Variants in CERT1 observed in about 807,000 individuals in gnomAD.
The protein encoded by CERT1 is ceramide transporter 1.
In CERT1, 31 loss-of-function variants were observed where a neutral mutation model predicts 87.9. The observed-to-expected ratio is 0.35, with a 90% CI of 0.27 to 0.48. CERT1 has a LOEUF of 0.48. CERT1 is among the 20% of genes least tolerant of loss of function. CERT1 has a pLI of 0.99. For synonymous variants in CERT1, 289 were observed against 250.9 expected, an observed-to-expected ratio of 1.15 and a Z score of -1.44; for missense variants, 487 against 758.0, an observed-to-expected ratio of 0.64 and a Z score of 4.20.
chr5:75,427,825 A>T (rs1763686032), intron 3 of CERT1, among the ~76,000 whole-genome samples: 1 of 152,188 alleles, frequency 6.6e-6, no homozygotes, highest in African/African-American at 2.4e-5. Flanking sequence ...TTTAATACTT[A>T]GAGATCAACA....
At chr5:75,470,946 ACTATC>A (rs764270107) in intron 2 of CERT1, among the ~76,000 whole-genome samples, 7 of 152,188 alleles carry the variant, frequency 4.6e-5, no homozygotes, top group Non-Finnish European at 8.8e-5. Flanking sequence ...CTAACAATGA[ACTATC>A]TGGGGAAAAA....
chr5:75,479,076 G>GT (rs1766108809), intron 2 of CERT1, among the ~76,000 whole-genome samples: 1 of 151,540 alleles, frequency 6.6e-6, no homozygotes, highest in African/African-American at 2.4e-5. Context: ...GCAGAAACAG[G>GT]TAAGTCCCCT....
chr5:75,466,887 T>C (rs894886746), intron 2 of CERT1, among the ~76,000 whole-genome samples: 4 of 152,232 alleles, frequency 2.6e-5, no homozygotes, highest in African/African-American at 4.8e-5. Flanking sequence ...CCACAACTGT[T>C]TGAACAATTT....
intron 14 of CERT1, among the ~76,000 whole-genome samples, chr5:75,384,406 A>G (rs77856529): frequency 6.6e-6 from 1 of 152,222 alleles, no homozygotes; most frequent in South Asian, 2.1e-4. Context: ...CTAACCGTTG[A>G]TCTTTATCAA....
rs1035960858 is a variant in CERT1 at position 75,402,960 on chromosome 5, T to C, written c.1017+12A>G. ...ATAAATTTCAGCTTAGAATTTTCAA[T>C]AATAGATATACCTGTTCTTCTATTT... On this transcript the variant is annotated intron_variant, in intron 9 of 16. Coordinates refer to ENST00000643780, the MANE Select transcript of CERT1 (RefSeq NM_001379029.1). 2.0e-6 allele frequency: 3 copies of C among 1,536,704 alleles called. No individual in the cohort carries two copies. The highest frequency in any genetic ancestry group is 2.7e-6 in the Non-Finnish European group (3 of 1,112,306).
At chr5:75,413,550 A>C (rs887161705) in intron 7 of CERT1, among the ~76,000 whole-genome samples, 6 of 152,156 alleles carry the variant, frequency 3.9e-5, no homozygotes, top group Admixed American at 3.9e-4. Context: ...TCAAGGCTGT[A>C]GTATACTAAT....
chr5:75,446,970 A>C (rs1381290370), intron 3 of CERT1, among the ~76,000 whole-genome samples: 2 of 152,146 alleles, frequency 1.3e-5, no homozygotes, highest in African/African-American at 2.4e-5. Context: ...CTTTTTCTGC[A>C]CCTCTGTGAT....
chr5:75,497,760 G>C lies in CERT1; in HGVS notation c.231+8222C>G, dbSNP rs1274718085. 3.9e-5 allele frequency among the ~76,000 whole-genome samples: 6 copies of C among 152,064 alleles called. No individual in the cohort carries two copies. In the South Asian group the frequency reaches 6.2e-4, roughly 16 times the overall value. ...TTATAAAAAGAAATACCCAGTCTCG[G>C]GTATTTCTTCATAGGAGCATGAGAA... is the stretch of plus-strand genomic sequence containing the variant. On this transcript the variant is annotated intron_variant, in intron 2 of 16. Transcript: ENST00000643780.
intron 2 of CERT1, among the ~76,000 whole-genome samples, chr5:75,465,093 A>G (rs1765404111): frequency 6.6e-6 from 1 of 152,182 alleles, no homozygotes; most frequent in Non-Finnish European, 1.5e-5. Context: ...GGAGTCAACC[A>G]GAGACTTGAA....
chr5:75,385,538 T>C (rs1330907228), intron 13 of CERT1, among the ~76,000 whole-genome samples: 3 of 152,130 alleles, frequency 2.0e-5, no homozygotes, highest in Non-Finnish European at 4.4e-5. Flanking sequence ...CGGAAACAGT[T>C]TAGGAAAGAG....
intron 11 of CERT1, among the ~76,000 whole-genome samples, chr5:75,394,118 A>C (rs998262648): frequency 6.6e-6 from 1 of 152,210 alleles, no homozygotes; most frequent in Admixed American, 6.5e-5. Flanking sequence ...TATTGACAAA[A>C]GTTAACTGAA....
At chr5:75,503,898 A>AATTCTTTGTTTAATTT (rs1767522752) in intron 2 of CERT1, among the ~76,000 whole-genome samples, 1 of 152,026 alleles carries the variant, frequency 6.6e-6, no homozygotes, top group African/African-American at 2.4e-5. Flanking sequence ...TAAACATTTA[A>AATTCTTTGTTTAATTT]ATTAAATGTT....
chr5:75,394,209 G>C (rs1469967746), intron 11 of CERT1, among the ~76,000 whole-genome samples: 1 of 152,092 alleles, frequency 6.6e-6, no homozygotes, highest in Non-Finnish European at 1.5e-5. Flanking sequence ...TGAAGAGTTT[G>C]GCAGTAAAAA....
chr5:75,476,326 T>G (rs1187414649), intron 2 of CERT1, among the ~76,000 whole-genome samples: 1 of 144,306 alleles, frequency 6.9e-6, no homozygotes, highest in African/African-American at 2.6e-5. Flanking sequence ...GAAATTGTGA[T>G]TTTTTTTTTT....
chr5:75,453,079 C>T (rs1258511716), intron 3 of CERT1, among the ~76,000 whole-genome samples: 1 of 152,148 alleles, frequency 6.6e-6, no homozygotes, highest in African/African-American at 2.4e-5. Flanking sequence ...ATTTCTAATA[C>T]ATTGAGAATA....
chr5:75,473,984 T>C (rs550988024), intron 2 of CERT1, among the ~76,000 whole-genome samples: 1 of 152,270 alleles, frequency 6.6e-6, no homozygotes, highest in African/African-American at 2.4e-5. Flanking sequence ...CAGTACCTGT[T>C]CTAAGAAAAA....
intron 3 of CERT1, among the ~76,000 whole-genome samples, chr5:75,432,055 C>T (rs112087285): frequency 1.3e-4 from 20 of 150,762 alleles, no homozygotes; most frequent in Admixed American, 4.0e-4. Flanking sequence ...CATTCCCCCC[C>T]CCTTTTTTTT....
intron 2 of CERT1, among the ~76,000 whole-genome samples, chr5:75,494,742 C>G (rs1402598011): frequency 6.6e-6 from 1 of 152,192 alleles, no homozygotes; most frequent in East Asian, 1.9e-4. Flanking sequence ...GATTTACTAA[C>G]TCACTTAGCA....
At chr5:75,479,017 C>T (rs1766106492) in intron 2 of CERT1, among the ~76,000 whole-genome samples, 1 of 141,700 alleles carries the variant, frequency 7.1e-6, no homozygotes, top group African/African-American at 2.6e-5. Flanking sequence ...CAATTTTGAT[C>T]ATCAAAATAT....
Sources: allele counts gnomAD v4.1 joint callset (sites outside exome capture counted in the v4.1 genomes callset), GRCh38; gene constraint gnomAD v4.1.1; transcripts MANE v1.5; gene names NCBI Gene and HGNC (gene_info 2026-07-23, HGNC 2026-07-21).